Variants in SLC16A2 observed in about 807,000 individuals in gnomAD.
SLC16A2 encodes the protein monocarboxylate transporter 8.
SLC16A2 carries 3 observed loss-of-function variants against 27.2 expected under a neutral mutation model. That is an observed-to-expected ratio of 0.11 (90% CI 0.05 to 0.28). SLC16A2 has a LOEUF of 0.28. Among genes scored for constraint, SLC16A2 ranks in the 10% least tolerant of loss-of-function variants. The probability of loss-of-function intolerance (pLI) is 1.00; values close to 1 mark genes in which losing one functional copy is unlikely to be tolerated. For missense variants in SLC16A2, 295 were observed against 458.5 expected (o/e 0.64, Z 3.26); for synonymous variants, 202 against 187.8 (o/e 1.08, Z -0.62).
intron 1 of SLC16A2, among the ~76,000 whole-genome samples, chrX:74,458,093 T>G (rs1458585867): frequency 1.8e-5 from 2 of 112,029 alleles, no homozygotes; most frequent in Non-Finnish European, 1.9e-5. Flanking sequence ...TACATAAACC[T>G]GCCCTCAAAT....
chrX:74,509,727 C>A (rs1372541506), intron 1 of SLC16A2, among the ~76,000 whole-genome samples: 1 of 111,249 alleles, frequency 9.0e-6, no homozygotes, highest in Non-Finnish European at 1.9e-5. Context: ...CCACGCCCGG[C>A]TAATTTTTTT....
intron 1 of SLC16A2, among the ~76,000 whole-genome samples, chrX:74,462,076 T>C (rs975973398): frequency 2.2e-4 from 25 of 111,874 alleles, no homozygotes; most frequent in African/African-American, 8.1e-4. Context: ...TTCCCTCCAG[T>C]GGCAGAAACC....
rs1478037312 is a variant in SLC16A2, at chrX:74,421,622, C to T, written c.-16C>T. The T allele has an allele frequency of 1.7e-6, 2 of 1,201,198 alleles. No individual in the cohort carries two copies. Among genetic ancestry groups the T allele is most frequent in the East Asian group, 3.0e-5 (1 of 33,513 alleles). On this transcript the variant is annotated 5_prime_UTR_variant, in exon 1 of 6. Transcript: ENST00000587091. ...GCGGCTCCTCTGGCCCAAGCAGCCACAGTCCCCCCGCCGCGATGGCGCTGC... is the reference window on the plus strand; with the variant it reads ...GCGGCTCCTCTGGCCCAAGCAGCCATAGTCCCCCCGCCGCGATGGCGCTGC...
At chrX:74,520,862 T>G in intron 1 of SLC16A2, 128 bp from the exon 2 acceptor site, 1 of 711,129 alleles carries the variant, frequency 1.4e-6, no homozygotes, top group Non-Finnish European at 2.2e-6. Flanking sequence ...CATCAGGGAC[T>G]AGCAAGCTGG....
At chrX:74,505,392 T>C (rs5937835) in intron 1 of SLC16A2, among the ~76,000 whole-genome samples, 58,637 of 111,343 alleles carry the variant, frequency 0.53, 13,409 homozygotes, top group Non-Finnish European at 0.73. Flanking sequence ...GGCAGTATCC[T>C]GGAAAAGGCA....
rs1379945757 is a variant in SLC16A2, at chrX:74,421,851, G to A, written c.214G>A (p.Glu72Lys). 1 of 1,203,639 alleles carries A rather than the reference G, an allele frequency of 8.3e-7. No individual in the cohort carries two copies. Among genetic ancestry groups the A allele is most frequent in the Non-Finnish European group, 1.1e-6 (1 of 892,144 alleles). ...APLPELEFES[E>K]RVHEPEPTPT... ...CCTGCCGGAGCTGGAGTTCGAGTCC[G>A]AGCGGGTGCACGAACCCGAGCCCAC... The change falls in exon 1 of 6, where the codon GAG (glutamate) becomes AAG (lysine). Residue 72 changes from glutamate (E) to lysine (K), a missense_variant. This residue lies in a region of SLC16A2 where 92 missense variants were observed against 85.1 expected (regional missense o/e 1.08). Coordinates refer to ENST00000587091, the MANE Select transcript of SLC16A2 (RefSeq NM_006517.5).
chrX:74,421,983 G>A lies in SLC16A2; in HGVS notation c.346G>A (p.Gly116Ser). 4 of 1,211,034 alleles carry A rather than the reference G, an allele frequency of 3.3e-6. No homozygotes were observed. The highest frequency in any genetic ancestry group is 4.5e-6 in the Non-Finnish European group (4 of 895,449). ...CACCTGGTGCAACGGCTCCATCTTC[G>A]GCATCCATAACTCTGTCGGGATCCT... ...AATWCNGSIFGIHNSVGILYS... is the reference protein window; with the variant it reads ...AATWCNGSIFSIHNSVGILYS... The change falls in exon 1 of 6, where the codon GGC (glycine) becomes AGC (serine). Residue 116 changes from glycine (G) to serine (S), a missense_variant. By Grantham distance (56) the Gly-to-Ser change is moderately conservative. Transcript: ENST00000587091.
chrX:74,421,781 G>A lies in SLC16A2; in HGVS notation c.144G>A (p.Pro48=). Residue 48 remains proline, a synonymous_variant, in exon 1 of 6, where the codon CCG becomes CCA. Coordinates refer to ENST00000587091, the MANE Select transcript of SLC16A2 (RefSeq NM_006517.5). ...EPEPEPVPVP[P]PEPQPEPQPL... is the part of the protein sequence containing the mutation. ...AGCCCGAGCCCGTGCCAGTGCCCCCGCCCGAGCCCCAGCCGGAGCCCCAGC... is the reference window on the plus strand; with the variant it reads ...AGCCCGAGCCCGTGCCAGTGCCCCCACCCGAGCCCCAGCCGGAGCCCCAGC... 1 of 1,145,825 alleles carries A rather than the reference G, an allele frequency of 8.7e-7. No homozygotes were observed. The highest frequency in any genetic ancestry group is 1.2e-6 in the Non-Finnish European group (1 of 857,896). 94.4% of individuals were successfully genotyped at this position (1,145,825 alleles called of 1,213,427 possible).
intron 4 of SLC16A2, 72 bp downstream of exon 4, chrX:74,525,965 G>T: frequency 9.1e-7 from 1 of 1,099,220 alleles, no homozygotes; most frequent in Non-Finnish European, 1.3e-6. Context: ...ACAGCCTTTG[G>T]GATAGAATGG....
At chrX:74,488,350 A>G (rs1929760832) in intron 1 of SLC16A2, among the ~76,000 whole-genome samples, 1 of 111,807 alleles carries the variant, frequency 8.9e-6, no homozygotes, top group Non-Finnish European at 1.9e-5. Flanking sequence ...AGAAAAGGTG[A>G]AGGAGAGAGC....
Position 74,421,553 on chromosome X carries a change from G to C in SLC16A2, c.-85G>C. On this transcript the variant is annotated 5_prime_UTR_variant, in exon 1 of 6. Transcript: ENST00000587091. ...GCGGCAGCGGCAGCAGCAGCCCTCC[G>C]AGCAGCAGCAGCTGCAGCAGCAGAA... 8.9e-7 allele frequency: 1 copy of C among 1,121,674 alleles called. No homozygotes were observed. Among genetic ancestry groups the C allele is most frequent in the Non-Finnish European group, 1.2e-6 (1 of 827,201 alleles). 92.4% of individuals were successfully genotyped at this position (1,121,674 alleles called of 1,213,427 possible). A position where few individuals can be genotyped will look rare whatever the true frequency, so the allele number is the denominator to read the frequency against.
chrX:74,504,792 A>G (rs1157136670), intron 1 of SLC16A2, among the ~76,000 whole-genome samples: 1 of 111,904 alleles, frequency 8.9e-6, no homozygotes, highest in African/African-American at 3.3e-5. Context: ...GGAGTTCGAG[A>G]CCAGCCTGGG....
At chrX:74,436,986 G>C (rs1429758408) in intron 1 of SLC16A2, among the ~76,000 whole-genome samples, 1 of 112,358 alleles carries the variant, frequency 8.9e-6, no homozygotes, top group Non-Finnish European at 1.9e-5. Flanking sequence ...GGATAATCCT[G>C]TACTGGCCAC....
At chrX:74,478,595 T>C (rs1602123554) in intron 1 of SLC16A2, among the ~76,000 whole-genome samples, 3 of 111,995 alleles carry the variant, frequency 2.7e-5, no homozygotes, top group Admixed American at 1.9e-4. Flanking sequence ...CTTTACAATT[T>C]GGCATGTTTT....
chrX:74,430,981 A>G (rs1928525581), intron 1 of SLC16A2, among the ~76,000 whole-genome samples: 1 of 112,627 alleles, frequency 8.9e-6, no homozygotes, highest in Admixed American at 9.4e-5. Context: ...GACTCAAGCC[A>G]TTGGCCCTCC....
At chrX:74,507,957 G>C (rs766575059) in intron 1 of SLC16A2, among the ~76,000 whole-genome samples, 1 of 111,898 alleles carries the variant, frequency 8.9e-6, no homozygotes, top group South Asian at 3.7e-4. Context: ...AATAAACATG[G>C]CAGTACACTT....
chrX:74,425,136 G>A (rs866419184), intron 1 of SLC16A2, among the ~76,000 whole-genome samples: 2 of 111,982 alleles, frequency 1.8e-5, no homozygotes, highest in Non-Finnish European at 3.8e-5. Context: ...CCAAGTAGCT[G>A]GGAAGAAAGG....
chrX:74,421,981 T>C lies in SLC16A2; in HGVS notation c.344T>C (p.Phe115Ser). ...FAATWCNGSI[F>S]GIHNSVGILY... Reference sequence around the variant, plus strand: ...GCCACCTGGTGCAACGGCTCCATCTTCGGCATCCATAACTCTGTCGGGATC... The same window carrying C: ...GCCACCTGGTGCAACGGCTCCATCTCCGGCATCCATAACTCTGTCGGGATC... Residue 115 changes from phenylalanine to serine, a missense_variant, in exon 1 of 6, where the codon TTC (phenylalanine) becomes TCC (serine). Physicochemically the swap from Phe to Ser is radical, Grantham distance 155. Coordinates refer to ENST00000587091, the MANE Select transcript of SLC16A2 (RefSeq NM_006517.5). 8.3e-7 allele frequency: 1 copy of C among 1,210,918 alleles called. No homozygotes were observed. The highest frequency in any genetic ancestry group is 1.1e-6 in the Non-Finnish European group (1 of 895,444).
At chrX:74,529,097 C>T in intron 4 of SLC16A2, 116 bp from the exon 5 acceptor site, 1 of 521,242 alleles carries the variant, frequency 1.9e-6, no homozygotes, top group Non-Finnish European at 3.3e-6. Context: ...TGACACCTTC[C>T]CCCTCCCACC....
Sources: allele counts gnomAD v4.1 joint callset (sites outside exome capture counted in the v4.1 genomes callset), GRCh38; gene constraint gnomAD v4.1.1; regional missense constraint gnomAD v4.1.1; transcripts MANE v1.5; gene names NCBI Gene and HGNC (gene_info 2026-07-23, HGNC 2026-07-21).